The following CRTC3 variants were observed in gnomAD, a reference collection of about 807,000 sequenced individuals.
The protein encoded by CRTC3 is CREB regulated transcription coactivator 3.
In CRTC3, 26 loss-of-function variants were observed where a neutral mutation model predicts 74.5. That is an observed-to-expected ratio of 0.35 (90% CI 0.26 to 0.48). The LOEUF (loss-of-function observed/expected upper bound fraction) is 0.48, where lower values mean the gene tolerates loss of function less well. CRTC3 is among the 20% of genes least tolerant of loss of function. The pLI is 0.99. For synonymous variants in CRTC3, 377 were observed against 325.8 expected (o/e 1.16, Z -1.69); for missense variants, 760 against 787.3 (o/e 0.97, Z 0.41).
In CRTC3 at chr15:90,538,469, G is replaced by T. The variant is rs532212207; in HGVS notation, c.133-1570G>T. 2.0e-5 allele frequency among the ~76,000 whole-genome samples: 3 copies of T among 152,118 alleles called. No individual in the cohort carries two copies. In the South Asian group the frequency reaches 6.2e-4, roughly 31 times the overall value. On this transcript the variant is annotated intron_variant, in intron 1 of 14. Coordinates refer to ENST00000268184, the MANE Select transcript of CRTC3 (RefSeq NM_022769.5). ...GAAGTTAAAGCCACTGAAGGATTTC[G>T]TATGCCTTTAAAATTTCCAAACAAG...
intron 2 of CRTC3, among the ~76,000 whole-genome samples, chr15:90,550,851 G>A (rs538962259): frequency 1.1e-4 from 17 of 150,156 alleles, no homozygotes; most frequent in South Asian, 6.2e-4. Flanking sequence ...GGTTTGTAGG[G>A]AAGGATGAGC....
In CRTC3 at chr15:90,604,309, A is replaced by G; in HGVS notation, c.414-76A>G. Reference sequence around the variant, plus strand: ...AGGTGAGTAGAAGAGCCAGTTCTCAAATGCAAGTGCTGAGGCCCTCCTTTG... The same window carrying G: ...AGGTGAGTAGAAGAGCCAGTTCTCAGATGCAAGTGCTGAGGCCCTCCTTTG... On this transcript the variant is annotated intron_variant, in intron 4 of 14. Coordinates refer to ENST00000268184, the MANE Select transcript of CRTC3 (RefSeq NM_022769.5). The G allele has an allele frequency of 3.6e-6, 4 of 1,113,736 alleles. No homozygotes were observed. The South Asian group carries it at 5.0e-5, about 14-fold the overall frequency. The allele number at this position is 1,113,736 out of a possible 1,614,324, so 69.0% of individuals were successfully genotyped here. A position where few individuals can be genotyped will look rare whatever the true frequency, so the allele number is the denominator to read the frequency against.
intron 9 of CRTC3, among the ~76,000 whole-genome samples, chr15:90,625,542 A>G (rs746117007): frequency 1.3e-5 from 2 of 152,184 alleles, no homozygotes; most frequent in Non-Finnish European, 2.9e-5. Context: ...GGTCTTGATT[A>G]TTCTAGACCC....
chr15:90,565,467 T>C (rs11073936), intron 2 of CRTC3, among the ~76,000 whole-genome samples: 6,128 of 152,236 alleles, frequency 0.04, 427 homozygotes, highest in African/African-American at 0.14. Context: ...TCAGTGTTGG[T>C]GAGTGGGTAA....
intron 2 of CRTC3, among the ~76,000 whole-genome samples, chr15:90,556,633 G>A (rs1966895637): frequency 6.6e-6 from 1 of 152,086 alleles, no homozygotes; most frequent in African/African-American, 2.4e-5. Flanking sequence ...GGATCTCTGT[G>A]TAATACGTCT....
chr15:90,607,511 G>A, intron 6 of CRTC3, 33 bp downstream of exon 6: 1 of 1,335,752 alleles, frequency 7.5e-7, no homozygotes, highest in South Asian at 1.2e-5. Flanking sequence ...GACAGCAGCT[G>A]TGCTTGCTCA....
At chr15:90,639,172 A>G (rs1253529239) in intron 13 of CRTC3, among the ~76,000 whole-genome samples, 1 of 152,090 alleles carries the variant, frequency 6.6e-6, no homozygotes, top group Non-Finnish European at 1.5e-5. Context: ...CTCCCACCGC[A>G]GAGTCAGAAG....
chr15:90,637,305 C>CA (rs1969274938), intron 11 of CRTC3, among the ~76,000 whole-genome samples: 1 of 151,950 alleles, frequency 6.6e-6, no homozygotes, highest in South Asian at 2.1e-4. Flanking sequence ...GTCGCAAGGA[C>CA]AAAAAACCAA....
intron 2 of CRTC3, among the ~76,000 whole-genome samples, chr15:90,582,211 T>G (rs1160078524): frequency 2.0e-5 from 3 of 152,140 alleles, no homozygotes; most frequent in Non-Finnish European, 4.4e-5. Flanking sequence ...GCATTAAAGT[T>G]AAAAGGAGAA....
chr15:90,538,123 T>C (rs1244164946), intron 1 of CRTC3, among the ~76,000 whole-genome samples: 1 of 152,256 alleles, frequency 6.6e-6, no homozygotes, highest in Non-Finnish European at 1.5e-5. Context: ...CCTGGCATAC[T>C]ACCTGACACA....
rs758016678 is a variant in CRTC3 at position 90,638,799 on chromosome 15, C to T, written c.1532C>T (p.Pro511Leu). The T allele has an allele frequency of 1.2e-6, 2 of 1,614,104 alleles. No individual in the cohort carries two copies. The highest frequency in any genetic ancestry group is 2.2e-5 in the South Asian group (2 of 91,082). The change falls in exon 13 of 15, where the codon CCT becomes CTT. Residue 511 changes from proline (P) to leucine (L), a missense_variant. This residue lies in a region of CRTC3 where 652 missense variants were observed against 635.2 expected (regional missense o/e 1.03). Coordinates refer to ENST00000268184, the MANE Select transcript of CRTC3 (RefSeq NM_022769.5). ...GACCAGCAGTCCATGAGGCCAGGCC[C>T]TGCCTTTCCTCAACAGGTGGGTGAT... The part of the protein sequence containing the change: ...GFDQQSMRPG[P>L]AFPQQVPLVQ...
intron 2 of CRTC3, among the ~76,000 whole-genome samples, chr15:90,578,282 C>T (rs1967453847): frequency 6.6e-6 from 1 of 152,062 alleles, no homozygotes; most frequent in South Asian, 2.1e-4. Flanking sequence ...CACAGTGGCT[C>T]AGCCCTGTAA....
chr15:90,622,850 C>CA (rs532118643), intron 9 of CRTC3, among the ~76,000 whole-genome samples: 11 of 150,810 alleles, frequency 7.3e-5, no homozygotes, highest in African/African-American at 2.7e-4. Context: ...GACTCTGTCT[C>CA]AAAAAAACAC....
intron 9 of CRTC3, chr15:90,620,135 T>C: frequency 3.7e-6 from 1 of 273,586 alleles, no homozygotes; most frequent in South Asian, 4.4e-5. Flanking sequence ...TGTGGCAGGC[T>C]GTGGGCATCG....
At position 90,545,818 on chromosome 15, in the gene CRTC3, T is replaced by A. The variant is rs551794376; in HGVS notation, c.231+5681T>A. Among the ~76,000 whole-genome samples, 46 of 152,206 alleles carry A rather than the reference T, an allele frequency of 3.0e-4. 1 individual carries two copies. The highest frequency in any genetic ancestry group is 9.6e-4 in the East Asian group (5 of 5,182). Reference sequence around the variant, plus strand: ...TGGTCTCCATCTCCTGACTTTGTGATCCGCCCGCCTTGGCCTCCCAAAGTG... The same window carrying A: ...TGGTCTCCATCTCCTGACTTTGTGAACCGCCCGCCTTGGCCTCCCAAAGTG... On this transcript the variant is annotated intron_variant, in intron 2 of 14. Coordinates refer to ENST00000268184, the MANE Select transcript of CRTC3 (RefSeq NM_022769.5).
chr15:90,641,010 G>T (rs2052476823), intron 13 of CRTC3, 87 bp from the exon 14 acceptor site: 1 of 843,472 alleles, frequency 1.2e-6, no homozygotes. Flanking sequence ...TGCAAGTCAG[G>T]TTTTGCTCTG....
intron 4 of CRTC3, 66 bp downstream of exon 4, chr15:90,602,451 C>A: frequency 1.1e-6 from 1 of 887,244 alleles, no homozygotes; most frequent in South Asian, 1.4e-5. Context: ...TCACTTTATC[C>A]ACTTTGAATG....
chr15:90,644,143 A>G lies in CRTC3; in HGVS notation c.*2003A>G. The G allele has an allele frequency of 4.4e-6, 1 of 228,656 alleles. No homozygotes were observed. Among genetic ancestry groups the G allele is most frequent in the Non-Finnish European group, 8.7e-6 (1 of 115,102 alleles). The allele number at this position is 228,656 out of a possible 1,614,324, so 14.2% of individuals were successfully genotyped here. A position where few individuals can be genotyped will look rare whatever the true frequency, so the allele number is the denominator to read the frequency against. ...CCAGAGTCCTCCTCGCCTGATTTCC[A>G]GCTCAGGAAGGGCCTGCTGGCCTGC... On this transcript the variant is annotated 3_prime_UTR_variant, in exon 15 of 15. Coordinates refer to ENST00000268184, the MANE Select transcript of CRTC3 (RefSeq NM_022769.5).
chr15:90,622,073 C>T (rs193122624), intron 9 of CRTC3, among the ~76,000 whole-genome samples: 8 of 152,198 alleles, frequency 5.3e-5, no homozygotes, highest in Admixed American at 3.3e-4. Context: ...TAGTGTGAAG[C>T]GACGCAGAGA....
Sources: allele counts gnomAD v4.1 joint callset (sites outside exome capture counted in the v4.1 genomes callset), GRCh38; gene constraint gnomAD v4.1.1; regional missense constraint gnomAD v4.1.1; transcripts MANE v1.5; gene names NCBI Gene and HGNC (gene_info 2026-07-23, HGNC 2026-07-21).